The following SYT9 variants were observed in gnomAD, a reference collection of about 807,000 sequenced individuals.
SYT9 encodes the protein synaptotagmin-9.
In SYT9, 22 loss-of-function variants were observed where a neutral mutation model predicts 48.4. The ratio of observed to expected loss-of-function variants is 0.45; its 90% CI spans 0.32 to 0.65. The LOEUF (loss-of-function observed/expected upper bound fraction) is 0.65. Ranked by LOEUF, SYT9 falls within the 30% of genes least tolerant of loss-of-function variation. The pLI, the probability that SYT9 is intolerant of heterozygous loss-of-function variation, is 0.03. For synonymous variants in SYT9, 265 were observed against 245.0 expected (o/e 1.08, Z -0.76); for missense variants, 577 against 622.0 (o/e 0.93, Z 0.77).
intron 1 of SYT9, among the ~76,000 whole-genome samples, chr11:7,290,328 T>G (rs1848677113): frequency 6.6e-6 from 1 of 152,198 alleles, no homozygotes; most frequent in African/African-American, 2.4e-5. Context: ...TTCATTTCCC[T>G]GAAACAGTCT....
chr11:7,407,096 T>C (rs1284540718), intron 3 of SYT9, among the ~76,000 whole-genome samples: 1 of 152,192 alleles, frequency 6.6e-6, no homozygotes, highest in South Asian at 2.1e-4. Context: ...ATATCCTGCA[T>C]ACTAGTCCCT....
intron 2 of SYT9, 113 bp from the exon 3 acceptor site, chr11:7,313,282 A>C: frequency 8.9e-7 from 1 of 1,125,434 alleles, no homozygotes; most frequent in Non-Finnish European, 1.2e-6. Flanking sequence ...AAAGGCCCAC[A>C]GATCTAAGCT....
intron 6 of SYT9, among the ~76,000 whole-genome samples, chr11:7,449,987 C>T (rs1222312095): frequency 2.6e-5 from 4 of 152,108 alleles, no homozygotes; most frequent in African/African-American, 9.7e-5. Context: ...CCAGTCATTG[C>T]CCGCCTCCCA....
chr11:7,438,917 C>T (rs368541348), intron 6 of SYT9: 1 of 152,258 alleles, frequency 6.6e-6, no homozygotes, highest in Non-Finnish European at 1.5e-5. Context: ...CTGCTAAGTC[C>T]TCTCCTCCCA....
chr11:7,335,797 G>A (rs561358530), intron 3 of SYT9, among the ~76,000 whole-genome samples: 21 of 152,234 alleles, frequency 1.4e-4, no homozygotes, highest in African/African-American at 4.6e-4. Context: ...GAATAGTGCT[G>A]CAACGAATAT....
chr11:7,318,072 CATAGT>C (rs1384635757), intron 3 of SYT9, among the ~76,000 whole-genome samples: 1 of 152,152 alleles, frequency 6.6e-6, no homozygotes, highest in Non-Finnish European at 1.5e-5. Flanking sequence ...TACACGTGAC[CATAGT>C]ATATCTCTCC....
At chr11:7,433,035 G>A (rs1268806063) in intron 6 of SYT9, among the ~76,000 whole-genome samples, 2 of 152,168 alleles carry the variant, frequency 1.3e-5, no homozygotes, top group Non-Finnish European at 2.9e-5. Flanking sequence ...CTGGTGAGAA[G>A]TGTTTGGATA....
At chr11:7,448,083 G>C (rs1478382192) in intron 6 of SYT9, among the ~76,000 whole-genome samples, 2 of 152,232 alleles carry the variant, frequency 1.3e-5, no homozygotes, top group African/African-American at 2.4e-5. Context: ...CTGCCTCTCT[G>C]TAGGGGCTTT....
At chr11:7,401,505 T>G (rs1031017647) in intron 3 of SYT9, among the ~76,000 whole-genome samples, 5 of 151,820 alleles carry the variant, frequency 3.3e-5, no homozygotes, top group Admixed American at 6.6e-5. Context: ...TATTTTTTCC[T>G]TAACGATCTG....
intron 3 of SYT9, among the ~76,000 whole-genome samples, chr11:7,400,611 T>C (rs1025485063): frequency 1.2e-4 from 19 of 152,182 alleles, no homozygotes; most frequent in Admixed American, 9.2e-4. Context: ...ATTGAAGCAC[T>C]CACTAGAGCA....
chr11:7,355,086 G>A (rs902761389), intron 3 of SYT9, among the ~76,000 whole-genome samples: 1 of 152,174 alleles, frequency 6.6e-6, no homozygotes, highest in South Asian at 2.1e-4. Context: ...CAAGATAAAA[G>A]TACGTTTCCA....
chr11:7,416,573 AC>A (rs1308150586), intron 4 of SYT9, among the ~76,000 whole-genome samples: 1 of 152,262 alleles, frequency 6.6e-6, no homozygotes, highest in Non-Finnish European at 1.5e-5. Flanking sequence ...TAAAAATAAT[AC>A]AGTTTTTTAA....
intron 3 of SYT9, among the ~76,000 whole-genome samples, chr11:7,406,704 A>G (rs1847022883): frequency 6.6e-6 from 1 of 151,974 alleles, no homozygotes; most frequent in African/African-American, 2.4e-5. Context: ...CCTTTGGTTA[A>G]ATACCTGGTA....
At chr11:7,401,572 A>G (rs969514545) in intron 3 of SYT9, among the ~76,000 whole-genome samples, 1 of 151,684 alleles carries the variant, frequency 6.6e-6, no homozygotes, top group Non-Finnish European at 1.5e-5. Context: ...AGTAGATATA[A>G]GACTACTCAA....
intron 3 of SYT9, among the ~76,000 whole-genome samples, chr11:7,355,748 G>A (rs952081131): frequency 6.6e-6 from 1 of 152,238 alleles, no homozygotes; most frequent in Admixed American, 6.5e-5. Flanking sequence ...AGACAGAAAG[G>A]AAGTCTTATC....
intron 3 of SYT9, among the ~76,000 whole-genome samples, chr11:7,411,234 TC>T (rs1258759854): frequency 6.6e-6 from 1 of 152,248 alleles, no homozygotes; most frequent in African/African-American, 2.4e-5. Context: ...TGTTCTTTAT[TC>T]CTCTCTTTTT....
chr11:7,373,502 C>A (rs1850399730), intron 3 of SYT9, among the ~76,000 whole-genome samples: 1 of 152,102 alleles, frequency 6.6e-6, no homozygotes, highest in African/African-American at 2.4e-5. Flanking sequence ...GCTCTTGGTT[C>A]CCCTGCTGCC....
At chr11:7,391,765 A>AAAAAAAAAAAAAAC (rs1846620341) in intron 3 of SYT9, among the ~76,000 whole-genome samples, 2 of 123,654 alleles carry the variant, frequency 1.6e-5, no homozygotes, top group Non-Finnish European at 3.6e-5. Flanking sequence ...AAAAAAAAAA[A>AAAAAAAAAAAAAAC]CCTAGCTAGG....
At chr11:7,381,825 T>C (rs969113014) in intron 3 of SYT9, among the ~76,000 whole-genome samples, 2 of 152,216 alleles carry the variant, frequency 1.3e-5, no homozygotes, top group Admixed American at 6.5e-5. Context: ...TTATTGTTAT[T>C]ATCAATCCCA....
Sources: allele counts gnomAD v4.1 joint callset (sites outside exome capture counted in the v4.1 genomes callset), GRCh38; gene constraint gnomAD v4.1.1; transcripts MANE v1.5; gene names NCBI Gene and HGNC (gene_info 2026-07-23, HGNC 2026-07-21).